The following CDH18 variants were observed in gnomAD, a reference collection of about 807,000 sequenced individuals.
CDH18 encodes cadherin-18.
A neutral mutation model predicts 67.9 loss-of-function variants in CDH18; 31 were observed. The ratio of observed to expected loss-of-function variants is 0.46; its 90% CI spans 0.34 to 0.62. The LOEUF (loss-of-function observed/expected upper bound fraction) is 0.62. Ranked by LOEUF, CDH18 falls within the 20% of genes least tolerant of loss-of-function variation. The pLI is 0.01. For missense variants in CDH18, 890 were observed against 975.5 expected, an observed-to-expected ratio of 0.91 and a Z score of 1.17; for synonymous variants, 362 against 347.2, an observed-to-expected ratio of 1.04 and a Z score of -0.48.
chr5:20,193,499 C>T (rs959468405), intron 2 of CDH18, among the ~76,000 whole-genome samples: 1 of 151,970 alleles, frequency 6.6e-6, no homozygotes, highest in African/African-American at 2.4e-5. Flanking sequence ...TGAATTCTAC[C>T]AGAAATACAA....
intron 8 of CDH18, among the ~76,000 whole-genome samples, chr5:19,555,623 C>T (rs533760704): frequency 1.3e-5 from 2 of 152,290 alleles, no homozygotes; most frequent in Admixed American, 6.5e-5. Flanking sequence ...ACAGCAAGAC[C>T]TGCCAAAGTC....
chr5:20,180,925 A>G (rs534425943), intron 2 of CDH18, among the ~76,000 whole-genome samples: 2 of 152,228 alleles, frequency 1.3e-5, no homozygotes, highest in South Asian at 4.1e-4. Context: ...TTATTCACCA[A>G]TGCGTTATAT....
chr5:20,362,108 G>T (rs759277044), intron 1 of CDH18, among the ~76,000 whole-genome samples: 1 of 152,034 alleles, frequency 6.6e-6, no homozygotes, highest in Non-Finnish European at 1.5e-5. Flanking sequence ...TTAATGTCAA[G>T]GAATGTAATT....
chr5:20,204,914 C>T, intron 2 of CDH18, among the ~76,000 whole-genome samples: 1 of 151,140 alleles, frequency 6.6e-6, no homozygotes. Context: ...TTATAATAGA[C>T]TCACTAACAA....
intron 5 of CDH18, among the ~76,000 whole-genome samples, chr5:19,652,534 A>G (rs1328274278): frequency 6.6e-6 from 1 of 152,198 alleles, no homozygotes; most frequent in African/African-American, 2.4e-5. Context: ...TTTTTTAAAA[A>G]AAAGAATTTA....
At chr5:20,289,923 G>A (rs1018927773) in intron 1 of CDH18, among the ~76,000 whole-genome samples, 7 of 151,874 alleles carry the variant, frequency 4.6e-5, no homozygotes, top group Admixed American at 1.3e-4. Context: ...TAACCTAATC[G>A]CTTAGTTTTG....
chr5:20,047,729 T>C (rs576983561), intron 2 of CDH18, among the ~76,000 whole-genome samples: 1 of 151,898 alleles, frequency 6.6e-6, no homozygotes, highest in East Asian at 1.9e-4. Flanking sequence ...AAAATAAATA[T>C]TTACTGTCAA....
intron 2 of CDH18, among the ~76,000 whole-genome samples, chr5:20,029,088 G>C (rs540913595): frequency 6.6e-6 from 1 of 152,080 alleles, no homozygotes; most frequent in Non-Finnish European, 1.5e-5. Flanking sequence ...AATTATTCAC[G>C]CATTACCCTT....
chr5:19,611,588 C>T (rs956351554), intron 6 of CDH18, among the ~76,000 whole-genome samples: 1 of 151,980 alleles, frequency 6.6e-6, no homozygotes, highest in Non-Finnish European at 1.5e-5. Flanking sequence ...AGGCATTTCG[C>T]GCTGATTTGA....
In CDH18 at chr5:19,747,138, A is replaced by G; in HGVS notation, c.327T>C (p.Asp109=). The G allele has an allele frequency of 6.2e-7, 1 of 1,614,080 alleles. No homozygotes were observed. The highest frequency in any genetic ancestry group is 2.2e-5 in the East Asian group (1 of 44,862). The change falls in exon 4 of 13, where the codon GAT becomes GAC. Residue 109 remains aspartate, a synonymous_variant. Transcript: ENST00000382275. The stretch of plus-strand genomic sequence containing the variant: ...TGTCTAGGCTTTTTGTTGAGTGGAT[A>G]TCACCCGTGGTATCGTCAATGATAA... The part of the protein sequence containing the change: ...TIFIIDDTTG[D]IHSTKSLDRE...
At chr5:19,947,364 T>C (rs1433271391) in intron 2 of CDH18, among the ~76,000 whole-genome samples, 1 of 151,796 alleles carries the variant, frequency 6.6e-6, no homozygotes, top group Non-Finnish European at 1.5e-5. Context: ...ATCACACTTT[T>C]ATAGGAAAAA....
chr5:19,498,190 A>C (rs2126723513), intron 11 of CDH18, among the ~76,000 whole-genome samples: 1 of 152,268 alleles, frequency 6.6e-6, no homozygotes, highest in Non-Finnish European at 1.5e-5. Context: ...TATCCTTATT[A>C]ATACTATACA....
chr5:20,016,812 A>C (rs1737919661), intron 2 of CDH18, among the ~76,000 whole-genome samples: 1 of 152,150 alleles, frequency 6.6e-6, no homozygotes, highest in South Asian at 2.1e-4. Flanking sequence ...ACACTAGTGC[A>C]GGTTTGTCAC....
At chr5:20,289,676 A>C (rs1746960616) in intron 1 of CDH18, among the ~76,000 whole-genome samples, 1 of 151,914 alleles carries the variant, frequency 6.6e-6, no homozygotes, top group African/African-American at 2.4e-5. Flanking sequence ...GCAACAAATA[A>C]AATCTTAGAA....
chr5:19,922,262 T>C lies in CDH18; in HGVS notation c.-257+58798A>G, dbSNP rs545338845. On this transcript the variant is annotated intron_variant, in intron 2 of 12. Coordinates refer to ENST00000382275, the MANE Select transcript of CDH18 (RefSeq NM_004934.5). ...TTAAACTAAACCATTTCTTGTGTTA[T>C]GCATGTTTCTGCTTTAGCTAGGTGA... Among the ~76,000 whole-genome samples, 75 of 152,344 alleles carry C rather than the reference T, an allele frequency of 4.9e-4. 1 individual carries two copies. The highest frequency in any genetic ancestry group is 4.8e-3 in the Admixed American group (74 of 15,294).
intron 1 of CDH18, among the ~76,000 whole-genome samples, chr5:20,522,260 A>T (rs989197590): frequency 1.3e-5 from 2 of 152,190 alleles, no homozygotes; most frequent in African/African-American, 2.4e-5. Context: ...AATTTCTGTC[A>T]TTTAAGCCAC....
chr5:19,900,584 TATA>T (rs1221431423), intron 2 of CDH18, among the ~76,000 whole-genome samples: 2 of 152,164 alleles, frequency 1.3e-5, no homozygotes, highest in Non-Finnish European at 1.5e-5. Flanking sequence ...CTTATGTGTC[TATA>T]ATAAATTTTT....
At chr5:19,861,927 G>A (rs540596608) in intron 2 of CDH18, among the ~76,000 whole-genome samples, 14 of 152,242 alleles carry the variant, frequency 9.2e-5, no homozygotes, top group African/African-American at 3.4e-4. Context: ...AGAACTAAGG[G>A]TTCAGAAACA....
intron 1 of CDH18, among the ~76,000 whole-genome samples, chr5:20,279,798 G>A (rs185526731): frequency 6.7e-6 from 1 of 149,092 alleles, no homozygotes; most frequent in Admixed American, 6.8e-5. Context: ...TCACTTTCAG[G>A]ATTGGACAGA....
Sources: allele counts gnomAD v4.1 joint callset (sites outside exome capture counted in the v4.1 genomes callset), GRCh38; gene constraint gnomAD v4.1.1; transcripts MANE v1.5; gene names NCBI Gene and HGNC (gene_info 2026-07-23, HGNC 2026-07-21).